Variants in CLASP1 observed in about 807,000 individuals in gnomAD.
The protein encoded by CLASP1 is cytoplasmic linker associated protein 1, also known as CLIP-associating protein 1.
CLASP1 carries 38 observed loss-of-function variants against 192.3 expected under a neutral mutation model. The observed-to-expected ratio is 0.20, with a 90% CI of 0.15 to 0.26. CLASP1 has a LOEUF of 0.26. Ranked by LOEUF, CLASP1 falls within the 10% of genes least tolerant of loss-of-function variation. The pLI, the probability that CLASP1 is intolerant of heterozygous loss-of-function variation, is 1.00. For missense variants in CLASP1, 1,433 were observed against 1,932.5 expected (o/e 0.74, Z 4.85); for synonymous variants, 691 against 712.8 (o/e 0.97, Z 0.49).
intron 9 of CLASP1, among the ~76,000 whole-genome samples, chr2:121,467,277 C>T (rs2089788644): frequency 6.6e-6 from 1 of 152,176 alleles, no homozygotes; most frequent in African/African-American, 2.4e-5. Flanking sequence ...CATATGCATA[C>T]ATGTATCTTT....
At chr2:121,391,659 T>C (rs1026444913) in intron 30 of CLASP1, among the ~76,000 whole-genome samples, 1 of 152,116 alleles carries the variant, frequency 6.6e-6, no homozygotes, top group East Asian at 1.9e-4. Flanking sequence ...TCCCAGCACT[T>C]TGGGAGGCCA....
rs1344204517 is a variant in CLASP1 at position 121,365,227 on chromosome 2, T to C, written c.3944A>G (p.Asn1315Ser). 4.3e-6 allele frequency: 7 copies of C among 1,613,766 alleles called. No homozygotes were observed. The highest frequency in any genetic ancestry group is 3.3e-5 in the Admixed American group (2 of 59,994). ...TCCCTTCCGTTCCTCCACTCGCTCA[T>C]TGTGGTTGGACAGCTCTTTCAGAAG... The change falls in exon 36 of 40, where the codon AAT becomes AGT. Residue 1315 changes from asparagine to serine, a missense_variant. Asn to Ser is a conservative substitution (Grantham distance 46, BLOSUM62 1). Coordinates refer to ENST00000263710, the Ensembl canonical transcript of CLASP1.
At chr2:121,516,191 C>T (rs1559490959) in intron 6 of CLASP1, among the ~76,000 whole-genome samples, 1 of 152,072 alleles carries the variant, frequency 6.6e-6, no homozygotes, top group Non-Finnish European at 1.5e-5. Flanking sequence ...TAGTACAGGC[C>T]ATATGAAGTC....
chr2:121,523,671 G>A (rs2094506698), intron 6 of CLASP1, among the ~76,000 whole-genome samples: 2 of 152,160 alleles, frequency 1.3e-5, no homozygotes, highest in South Asian at 2.1e-4. Flanking sequence ...TCTTTTGGGC[G>A]GGGAAATACT....
chr2:121,376,204 A>G (rs1201768563), intron 34 of CLASP1, among the ~76,000 whole-genome samples: 3 of 152,220 alleles, frequency 2.0e-5, no homozygotes, highest in African/African-American at 4.8e-5. Flanking sequence ...GGAAATCAGT[A>G]TATCAAAGAG....
exon 3 of CLASP1, chr2:121,530,313 C>T: frequency 6.4e-7 from 1 of 1,550,660 alleles, no homozygotes; most frequent in Non-Finnish European, 8.7e-7. Flanking sequence ...ATGTCCATGC[C>T]CAGCAGAACC....
intron 23 of CLASP1, among the ~76,000 whole-genome samples, chr2:121,414,539 C>G (rs1450154266): frequency 6.6e-6 from 1 of 152,184 alleles, no homozygotes; most frequent in African/African-American, 2.4e-5. Context: ...ACATGAAGAA[C>G]AGCAGGAGTC....
At chr2:121,513,165 T>C (rs2094187497) in intron 7 of CLASP1, 1 of 152,222 alleles carries the variant, frequency 6.6e-6, no homozygotes, top group African/African-American at 2.4e-5. Flanking sequence ...TTCTAGATCT[T>C]AGGTAACTGT....
intron 19 of CLASP1, among the ~76,000 whole-genome samples, chr2:121,435,047 G>C (rs1398733944): frequency 6.6e-6 from 1 of 152,200 alleles, no homozygotes; most frequent in African/African-American, 2.4e-5. Flanking sequence ...TGGGCTGGGC[G>C]TGGTGGCTCT....
intron 1 of CLASP1, among the ~76,000 whole-genome samples, chr2:121,614,224 G>A (rs753201139): frequency 2.6e-5 from 4 of 152,170 alleles, no homozygotes; most frequent in Non-Finnish European, 4.4e-5. Flanking sequence ...AGCCGGGCGC[G>A]GTGGCTCACG....
intron 7 of CLASP1, among the ~76,000 whole-genome samples, chr2:121,511,662 G>A (rs141749920): frequency 3.9e-4 from 59 of 151,600 alleles, no homozygotes; most frequent in Non-Finnish European, 6.3e-4. Context: ...TTCTTATAGT[G>A]ACAAAAAATT....
intron 19 of CLASP1, among the ~76,000 whole-genome samples, chr2:121,437,858 C>T (rs2082570163): frequency 6.6e-6 from 1 of 152,182 alleles, no homozygotes; most frequent in Non-Finnish European, 1.5e-5. Flanking sequence ...ACCAGGGCTC[C>T]TGCCATGCTT....
At chr2:121,432,504 ATGTATGTGCAGACACAATAACAACGCC>A (rs2081606831) in intron 19 of CLASP1, among the ~76,000 whole-genome samples, 1 of 152,180 alleles carries the variant, frequency 6.6e-6, no homozygotes, top group Non-Finnish European at 1.5e-5. Flanking sequence ...TGTCTTCCAT[ATGTATGTGCAGACACAATAACAACGCC>A]TGTTGAAATG....
At chr2:121,426,389 A>G (rs2080383648) in intron 21 of CLASP1, among the ~76,000 whole-genome samples, 1 of 152,200 alleles carries the variant, frequency 6.6e-6, no homozygotes, top group South Asian at 2.1e-4. Context: ...AAACTAAAAA[A>G]TGATAAAAGT....
chr2:121,437,143 A>AT (rs1350391489), intron 19 of CLASP1, among the ~76,000 whole-genome samples: 2 of 151,828 alleles, frequency 1.3e-5, no homozygotes, highest in Non-Finnish European at 2.9e-5. Flanking sequence ...TAAAAAAAAA[A>AT]TTTTTGGTAG....
At position 121,358,653 on chromosome 2, in the gene CLASP1, C is replaced by G. The variant is rs939448422; in HGVS notation, c.4206+4519G>C. Among the ~76,000 whole-genome samples the G allele has an allele frequency of 2.6e-5, 4 of 152,186 alleles. No homozygotes were observed. In the East Asian group the frequency reaches 7.7e-4, roughly 29 times the overall value. ...GACAAGTTCCCAGGAAGTTCTCTTTCTTTTATAAATAACTTTGGTCTGATT... is the reference window on the plus strand; with the variant it reads ...GACAAGTTCCCAGGAAGTTCTCTTTGTTTTATAAATAACTTTGGTCTGATT... On this transcript the variant is annotated intron_variant, in intron 37 of 39. Transcript: ENST00000263710.
chr2:121,548,848 C>A (rs1397708061), intron 2 of CLASP1, among the ~76,000 whole-genome samples: 1 of 152,006 alleles, frequency 6.6e-6, no homozygotes, highest in Non-Finnish European at 1.5e-5. Context: ...GAAATAGGAA[C>A]CTTTTTCAGA....
At chr2:121,586,071 A>C (rs1559688314) in intron 2 of CLASP1, among the ~76,000 whole-genome samples, 1 of 152,212 alleles carries the variant, frequency 6.6e-6, no homozygotes, top group Admixed American at 6.5e-5. Flanking sequence ...GAAAGAAACA[A>C]ACACATACAT....
chr2:121,494,750 T>C (rs1260557039), intron 8 of CLASP1, among the ~76,000 whole-genome samples: 4 of 152,140 alleles, frequency 2.6e-5, no homozygotes, highest in Admixed American at 1.3e-4. Context: ...GCCAACCACG[T>C]TGGCTCATGC....
Sources: allele counts gnomAD v4.1 joint callset (sites outside exome capture counted in the v4.1 genomes callset), GRCh38; gene constraint gnomAD v4.1.1; transcripts MANE v1.5; gene names NCBI Gene and HGNC (gene_info 2026-07-23, HGNC 2026-07-21).